ROCK1: variants seen among roughly 807,000 people sequenced by gnomAD.
ROCK1 encodes the protein Rho associated coiled-coil containing protein kinase 1.
A neutral mutation model predicts 196.8 loss-of-function variants in ROCK1; 36 were observed. That is an observed-to-expected ratio of 0.18 (90% confidence interval 0.14 to 0.24). The LOEUF (loss-of-function observed/expected upper bound fraction) is 0.24, where lower values mean the gene tolerates loss of function less well. Ranked by LOEUF, ROCK1 falls within the 10% of genes least tolerant of loss-of-function variation. ROCK1 has a pLI of 1.00. For synonymous variants in ROCK1, 443 were observed against 515.9 expected, an observed-to-expected ratio of 0.86 and a Z score of 1.91; for missense variants, 920 against 1,562.0, an observed-to-expected ratio of 0.59 and a Z score of 6.93.
chr18:20,952,888 C>A (rs1440392949), intron 32 of ROCK1, among the ~76,000 whole-genome samples: 1 of 151,936 alleles, frequency 6.6e-6, no homozygotes, highest in Non-Finnish European at 1.5e-5. Flanking sequence ...AAACCAAACA[C>A]CACAGGTTCT....
chr18:21,091,671 G>A (rs1221795785), intron 1 of ROCK1, among the ~76,000 whole-genome samples: 1 of 152,104 alleles, frequency 6.6e-6, no homozygotes, highest in African/African-American at 2.4e-5. Flanking sequence ...TAGTAAGGCT[G>A]TTAATTGTTA....
In ROCK1 at chr18:20,948,310, A is replaced by G. The variant is rs1395968095; in HGVS notation, c.*3074T>C. ...CTGAATTACGATGCAGGAAAGAAGT[A>G]TTTTCAATGAATACTGCAGTATCAA... On this transcript the variant is annotated 3_prime_UTR_variant, in exon 33 of 33. Transcript: ENST00000399799. The G allele has an allele frequency of 6.6e-6, 1 of 152,066 alleles. No homozygotes were observed. Among genetic ancestry groups the G allele is most frequent in the Non-Finnish European group, 1.5e-5 (1 of 68,044 alleles). 9.4% of individuals were successfully genotyped at this position (152,066 alleles called of 1,614,324 possible). A position where few individuals can be genotyped will look rare whatever the true frequency, so the allele number is the denominator to read the frequency against.
In ROCK1 at chr18:20,990,436, G is replaced by T. The variant is rs1274548401; in HGVS notation, c.2143+740C>A. The stretch of plus-strand genomic sequence containing the variant: ...CTTAAAAAATGGAAAGCATTGCCAG[G>T]CATGGTGTTTCATGCCTGTAATCCC... On this transcript the variant is annotated intron_variant, in intron 18 of 32. Coordinates refer to ENST00000399799, the MANE Select transcript of ROCK1 (RefSeq NM_005406.3). Among the ~76,000 whole-genome samples, 4 of 151,766 alleles carry T rather than the reference G, an allele frequency of 2.6e-5. 1 individual carries two copies. In the East Asian group the frequency reaches 7.8e-4, roughly 30 times the overall value.
chr18:21,017,641 G>A (rs969213477), intron 12 of ROCK1, among the ~76,000 whole-genome samples: 2 of 152,014 alleles, frequency 1.3e-5, no homozygotes, highest in African/African-American at 4.8e-5. Flanking sequence ...ATAAATGAAT[G>A]TAACTAAAAT....
chr18:21,011,177 G>A (rs1384612439), intron 13 of ROCK1, among the ~76,000 whole-genome samples: 1 of 152,068 alleles, frequency 6.6e-6, no homozygotes, highest in Non-Finnish European at 1.5e-5. Context: ...ATTATTGGTA[G>A]TATGTTAGGG....
intron 27 of ROCK1, among the ~76,000 whole-genome samples, chr18:20,964,987 A>G (rs149039801): frequency 1.3e-5 from 2 of 152,340 alleles, no homozygotes; most frequent in East Asian, 3.9e-4. Context: ...TTTCTGACAT[A>G]TTTAACCCAA....
intron 1 of ROCK1, among the ~76,000 whole-genome samples, chr18:21,091,625 T>C (rs2036570847): frequency 6.6e-6 from 1 of 151,064 alleles, no homozygotes; most frequent in Admixed American, 6.6e-5. Context: ...ACTATGTACA[T>C]ATATCACAAA....
rs1412978123 is a variant in ROCK1, at chr18:21,111,520, CT to C, written c.-611del. 5.2e-6 allele frequency: 1 copy of C among 192,096 alleles called. No individual in the cohort carries two copies. The highest frequency in any genetic ancestry group is 2.3e-5 in the African/African-American group (1 of 43,014). The allele number at this position is 192,096 out of a possible 1,614,324, so 11.9% of individuals were successfully genotyped here. The stretch of plus-strand genomic sequence containing the variant: ...CTGGTCCACGCAGGACAGCCTCACT[CT>C]CCCATTTTGTCCCGTCGCTGCTGGG... On this transcript the variant is annotated 5_prime_UTR_variant, in exon 1 of 33. It removes the in-frame stop codon of an upstream open reading frame in the 5' UTR. Transcript: ENST00000399799. The surrounding 1 kb of genome is among the most constrained non-coding windows in gnomAD (Gnocchi z 4.2).
At chr18:21,084,416 A>T (rs2036508639) in intron 1 of ROCK1, among the ~76,000 whole-genome samples, 1 of 152,202 alleles carries the variant, frequency 6.6e-6, no homozygotes, top group South Asian at 2.1e-4. Flanking sequence ...CACTCCTAAA[A>T]TTCAAAACAA....
chr18:21,080,060 G>A lies in ROCK1; in HGVS notation c.94-9447C>T, dbSNP rs149492670. On this transcript the variant is annotated intron_variant, in intron 1 of 32. Transcript: ENST00000399799. ...GAACAAAAGCGTTCTCCTTCCTTTC[G>A]GTATGTGATCCACGTGTGTTCCTGT... Among the ~76,000 whole-genome samples, 74 of 152,202 alleles carry A rather than the reference G, an allele frequency of 4.9e-4. No homozygotes were observed. In the East Asian group the frequency reaches 9.9e-3, roughly 20 times the overall value.
intron 1 of ROCK1, among the ~76,000 whole-genome samples, chr18:21,100,963 A>T (rs1387251430): frequency 1.3e-5 from 2 of 152,118 alleles, no homozygotes; most frequent in Non-Finnish European, 2.9e-5. Context: ...AGTTTCCTTA[A>T]ATATTATCTA....
intron 5 of ROCK1, 104 bp from the exon 6 acceptor site, chr18:21,044,290 G>A (rs2036136377): frequency 3.4e-5 from 25 of 731,992 alleles, no homozygotes; most frequent in Non-Finnish European, 3.4e-5. Context: ...ATCTAGGTAA[G>A]GCCATCTTTG....
intron 32 of ROCK1, among the ~76,000 whole-genome samples, chr18:20,952,419 G>GAATA (rs1238206656): frequency 1.3e-5 from 2 of 151,364 alleles, no homozygotes; most frequent in Non-Finnish European, 2.9e-5. Flanking sequence ...ATGAATGAAT[G>GAATA]AATGGTTATG....
chr18:21,095,248 A>T (rs951394320), intron 1 of ROCK1, among the ~76,000 whole-genome samples: 1 of 152,056 alleles, frequency 6.6e-6, no homozygotes, highest in African/African-American at 2.4e-5. Flanking sequence ...GAACTCTCCT[A>T]CAATGTTAAC....
chr18:21,026,529 A>C (rs1363159335), intron 10 of ROCK1, among the ~76,000 whole-genome samples: 1 of 151,986 alleles, frequency 6.6e-6, no homozygotes, highest in Non-Finnish European at 1.5e-5. Context: ...AATTGAATAC[A>C]GTTATAATAT....
At chr18:21,023,574 A>G (rs1435166305) in intron 11 of ROCK1, 46 bp downstream of exon 11, 2 of 1,075,390 alleles carry the variant, frequency 1.9e-6, no homozygotes, top group Admixed American at 5.0e-5. Context: ...TATTATCCAC[A>G]AAACAATTTT....
intron 13 of ROCK1, among the ~76,000 whole-genome samples, chr18:21,009,346 A>ATTAT (rs1462421767): frequency 6.6e-6 from 1 of 151,358 alleles, no homozygotes. Flanking sequence ...ACTCAACATA[A>ATTAT]AGACCTTAAA....
At chr18:21,028,644 C>T in intron 10 of ROCK1, 132 bp downstream of exon 10, 2 of 737,838 alleles carry the variant, frequency 2.7e-6, no homozygotes, top group South Asian at 2.3e-5. Flanking sequence ...CTGGAAATAT[C>T]ATGCATCAAT....
intron 11 of ROCK1, among the ~76,000 whole-genome samples, chr18:21,022,005 T>G (rs780390439): frequency 6.6e-6 from 1 of 152,112 alleles, no homozygotes; most frequent in Non-Finnish European, 1.5e-5. Context: ...CACCTTTTTC[T>G]CATTTTCCCT....
Sources: allele counts gnomAD v4.1 joint callset (sites outside exome capture counted in the v4.1 genomes callset), GRCh38; gene constraint gnomAD v4.1.1; non-coding constraint Gnocchi (gnomAD v3.1); transcripts MANE v1.5; gene names NCBI Gene and HGNC (gene_info 2026-07-23, HGNC 2026-07-21).